Variants in HECW2 observed in about 807,000 individuals in gnomAD.
HECW2 encodes E3 ubiquitin-protein ligase HECW2.
A neutral mutation model predicts 175.2 loss-of-function variants in HECW2; 61 were observed. That is an observed-to-expected ratio of 0.35 (90% CI 0.28 to 0.43). The LOEUF is 0.43. Ranked by LOEUF, HECW2 falls within the 20% of genes least tolerant of loss-of-function variation. The pLI is 1.00. For missense variants in HECW2, 1,524 were observed against 2,000.5 expected (o/e 0.76, Z 4.54); for synonymous variants, 671 against 731.0 (o/e 0.92, Z 1.32).
intron 19 of HECW2, among the ~76,000 whole-genome samples, chr2:196,248,181 A>G (rs1304807352): frequency 6.6e-6 from 1 of 152,218 alleles, no homozygotes; most frequent in Non-Finnish European, 1.5e-5. Context: ...ATGTTCATGT[A>G]CATACCATTT....
chr2:196,528,837 G>A (rs1688753079), intron 1 of HECW2, among the ~76,000 whole-genome samples: 1 of 152,144 alleles, frequency 6.6e-6, no homozygotes, highest in Admixed American at 6.5e-5. Context: ...TCAAAGACTT[G>A]GGTAACCATG....
At chr2:196,497,703 C>T (rs1575606980) in intron 1 of HECW2, among the ~76,000 whole-genome samples, 1 of 152,192 alleles carries the variant, frequency 6.6e-6, no homozygotes, top group South Asian at 2.1e-4. Flanking sequence ...TTTTCCCCAA[C>T]ACCAGCCAAA....
intron 2 of HECW2, among the ~76,000 whole-genome samples, chr2:196,432,045 T>C (rs985073442): frequency 1.1e-4 from 17 of 152,192 alleles, no homozygotes; most frequent in Non-Finnish European, 2.2e-4. Flanking sequence ...TGGGGCTAGA[T>C]CACTGTGGAG....
At chr2:196,421,987 G>A (rs1410283096) in intron 2 of HECW2, among the ~76,000 whole-genome samples, 1 of 152,120 alleles carries the variant, frequency 6.6e-6, no homozygotes, top group South Asian at 2.1e-4. Context: ...TTAAAAGGAA[G>A]ATCCGTGATA....
At chr2:196,591,257 C>A (rs899102850) in intron 1 of HECW2, among the ~76,000 whole-genome samples, 2 of 152,104 alleles carry the variant, frequency 1.3e-5, no homozygotes, top group African/African-American at 4.8e-5. Context: ...GAGTCTGCGG[C>A]CAAATGGTGG....
At chr2:196,252,216 A>ATAATAATAG (rs1553637359) in intron 19 of HECW2, among the ~76,000 whole-genome samples, 2 of 104,076 alleles carry the variant, frequency 1.9e-5, no homozygotes, top group African/African-American at 5.4e-5. Context: ...AATAATAATA[A>ATAATAATAG]GGCTTCAATG....
chr2:196,412,125 T>C (rs769840378), intron 2 of HECW2, among the ~76,000 whole-genome samples: 2 of 152,244 alleles, frequency 1.3e-5, no homozygotes, highest in Admixed American at 1.3e-4. Context: ...TTGTATTAGT[T>C]TGCTAGGGCT....
intron 20 of HECW2, among the ~76,000 whole-genome samples, chr2:196,241,179 T>G (rs1226531644): frequency 6.6e-6 from 1 of 152,206 alleles, no homozygotes; most frequent in African/African-American, 2.4e-5. Context: ...TCCATAGATA[T>G]CAATTTGCTC....
At chr2:196,542,147 C>T (rs1472495922) in intron 1 of HECW2, among the ~76,000 whole-genome samples, 3 of 151,628 alleles carry the variant, frequency 2.0e-5, no homozygotes, top group Admixed American at 2.0e-4. Flanking sequence ...ACCTGTAGTC[C>T]CAGCTACTCA....
chr2:196,253,915 C>G lies in HECW2; in HGVS notation c.3529+5G>C. The G allele has an allele frequency of 6.2e-7, 1 of 1,613,088 alleles. No homozygotes were observed. Among genetic ancestry groups the G allele is most frequent in the Non-Finnish European group, 8.5e-7 (1 of 1,179,158 alleles). Reference sequence around the variant, plus strand: ...GAATTCACTGTGAGCAGCAGGTGGACTCACCTGGCGAGTTCTGAGGAGATG... The same window carrying G: ...GAATTCACTGTGAGCAGCAGGTGGAGTCACCTGGCGAGTTCTGAGGAGATG... On this transcript the variant is annotated splice_donor_5th_base_variant and intron_variant, in intron 19 of 28. Coordinates refer to ENST00000644978, the MANE Select transcript of HECW2 (RefSeq NM_001348768.2).
chr2:196,250,732 G>C (rs371017934), intron 19 of HECW2, among the ~76,000 whole-genome samples: 1 of 152,120 alleles, frequency 6.6e-6, no homozygotes, highest in Non-Finnish European at 1.5e-5. Flanking sequence ...CCATGAGCCT[G>C]CCTTATTCCA....
At chr2:196,364,470 C>A (rs946197744) in intron 2 of HECW2, among the ~76,000 whole-genome samples, 5 of 152,204 alleles carry the variant, frequency 3.3e-5, no homozygotes, top group African/African-American at 1.2e-4. Flanking sequence ...TTAATCATAG[C>A]AAATGATTAT....
At chr2:196,585,006 A>C (rs1690922478) in intron 1 of HECW2, among the ~76,000 whole-genome samples, 2 of 151,772 alleles carry the variant, frequency 1.3e-5, no homozygotes, top group South Asian at 4.2e-4. Context: ...TGGACATCTA[A>C]CTCTCTAATA....
intron 1 of HECW2, among the ~76,000 whole-genome samples, chr2:196,534,986 C>T (rs549507082): frequency 2.6e-5 from 4 of 151,996 alleles, no homozygotes; most frequent in African/African-American, 9.7e-5. Flanking sequence ...TAATCTATGT[C>T]CCCTTCAGTC....
At chr2:196,364,473 A>G (rs1208566625) in intron 2 of HECW2, among the ~76,000 whole-genome samples, 2 of 152,250 alleles carry the variant, frequency 1.3e-5, no homozygotes, top group Non-Finnish European at 2.9e-5. Context: ...ATCATAGCAA[A>G]TGATTATATT....
intron 2 of HECW2, among the ~76,000 whole-genome samples, chr2:196,411,888 T>C (rs1198017427): frequency 6.6e-6 from 1 of 152,200 alleles, no homozygotes; most frequent in Non-Finnish European, 1.5e-5. Context: ...CGCACACCTG[T>C]AGTCCCAGCT....
intron 21 of HECW2, among the ~76,000 whole-genome samples, chr2:196,231,416 A>G (rs1296619328): frequency 6.6e-6 from 1 of 152,186 alleles, no homozygotes; most frequent in Non-Finnish European, 1.5e-5. Context: ...ATGTTCATCA[A>G]GACTAAAAAA....
At chr2:196,513,476 C>A (rs919922987) in intron 1 of HECW2, among the ~76,000 whole-genome samples, 8 of 152,160 alleles carry the variant, frequency 5.3e-5, no homozygotes, top group African/African-American at 1.2e-4. Flanking sequence ...CAACACTGAA[C>A]TTCAGCCTGG....
chr2:196,589,161 T>G (rs1251480044), intron 1 of HECW2, among the ~76,000 whole-genome samples: 1 of 152,170 alleles, frequency 6.6e-6, no homozygotes. Flanking sequence ...ATTGCACCAC[T>G]GCACTCCAGT....
Sources: allele counts gnomAD v4.1 joint callset (sites outside exome capture counted in the v4.1 genomes callset), GRCh38; gene constraint gnomAD v4.1.1; transcripts MANE v1.5; gene names NCBI Gene and HGNC (gene_info 2026-07-23, HGNC 2026-07-21).